Variants in TASP1 observed in about 807,000 individuals in gnomAD.
TASP1 encodes the protein threonine aspartase 1.
In TASP1, 16 loss-of-function variants were observed where a neutral mutation model predicts 56.6. That is an observed-to-expected ratio of 0.28 (90% confidence interval 0.19 to 0.43). The LOEUF is 0.43. Ranked by LOEUF, TASP1 falls within the 20% of genes least tolerant of loss-of-function variation. TASP1 has a pLI of 1.00. For missense variants in TASP1, 393 were observed against 511.6 expected (o/e 0.77, Z 2.24); for synonymous variants, 179 against 184.2 (o/e 0.97, Z 0.23).
At chr20:13,471,945 T>C (rs6109902) in intron 11 of TASP1, among the ~76,000 whole-genome samples, 13,837 of 152,022 alleles carry the variant, frequency 0.091, 1,200 homozygotes, top group African/African-American at 0.23. Flanking sequence ...AGATGCCATC[T>C]CCATCAAGCT....
At chr20:13,401,668 T>C (rs1454049324) in intron 13 of TASP1, among the ~76,000 whole-genome samples, 1 of 152,154 alleles carries the variant, frequency 6.6e-6, no homozygotes, top group African/African-American at 2.4e-5. Context: ...GTCTTGAGAC[T>C]GAAAAAACAA....
intron 6 of TASP1, among the ~76,000 whole-genome samples, chr20:13,576,391 AAGAAAGTC>A (rs1339213633): frequency 6.8e-6 from 1 of 147,426 alleles, no homozygotes; most frequent in East Asian, 1.9e-4. Flanking sequence ...GAAAGAAAGA[AAGAAAGTC>A]AGTCTTATGG....
chr20:13,223,581 C>G, the TASP1 span, among the ~76,000 whole-genome samples: 11 of 152,178 alleles, frequency 7.2e-5, no homozygotes, highest in African/African-American at 2.7e-4. Context: ...AATTACAAAA[C>G]AGTAGAAAAG....
At chr20:13,212,873 A>G in the TASP1 span, among the ~76,000 whole-genome samples, 1 of 152,192 alleles carries the variant, frequency 6.6e-6, no homozygotes, top group Admixed American at 6.6e-5. Context: ...GAGAATCTTC[A>G]GATTTCAGTT....
the TASP1 span, among the ~76,000 whole-genome samples, chr20:13,380,998 T>C: frequency 9.8e-5 from 15 of 152,320 alleles, no homozygotes; most frequent in African/African-American, 3.4e-4. Context: ...ACCAGTGGTC[T>C]TAGCTTGCTG....
the TASP1 span, among the ~76,000 whole-genome samples, chr20:13,185,672 A>G: frequency 6.6e-6 from 1 of 152,204 alleles, no homozygotes; most frequent in East Asian, 1.9e-4. Context: ...ATTTCAGTAC[A>G]GAATCCCACT....
Position 13,435,508 on chromosome 20 carries a change from A to C in TASP1, c.986-354T>G, listed in dbSNP as rs143959746. ...TTTGATCAACTCTTAGGGATCACTT[A>C]CCACAGGCTCTCCCTGCTGTCAGGG... is the stretch of plus-strand genomic sequence containing the variant. On this transcript the variant is annotated intron_variant, in intron 11 of 13. Coordinates refer to ENST00000337743, the MANE Select transcript of TASP1 (RefSeq NM_017714.3). 8.0e-3 allele frequency among the ~76,000 whole-genome samples: 1,217 copies of C among 152,340 alleles called. 6 individuals are homozygous for C. The highest frequency in any genetic ancestry group is 0.013 in the Non-Finnish European group (870 of 68,010).
chr20:13,471,823 G>A (rs1242269003), intron 11 of TASP1, among the ~76,000 whole-genome samples: 1 of 152,142 alleles, frequency 6.6e-6, no homozygotes, highest in East Asian at 1.9e-4. Flanking sequence ...GGACTACTCA[G>A]AAAGTGGGTG....
chr20:13,550,694 C>T (rs1211860929), intron 8 of TASP1, among the ~76,000 whole-genome samples: 1 of 152,106 alleles, frequency 6.6e-6, no homozygotes, highest in Non-Finnish European at 1.5e-5. Context: ...AGACTAATTA[C>T]TCCTTTTCCT....
chr20:13,531,866 G>A (rs2045234266), intron 9 of TASP1, among the ~76,000 whole-genome samples: 1 of 152,144 alleles, frequency 6.6e-6, no homozygotes. Context: ...GTGTCACCAT[G>A]TTGGCCAAGC....
intron 11 of TASP1, among the ~76,000 whole-genome samples, chr20:13,444,284 T>C (rs1176258658): frequency 1.3e-5 from 2 of 152,196 alleles, no homozygotes; most frequent in Non-Finnish European, 2.9e-5. Flanking sequence ...AGCTAGAAGG[T>C]AGCTGCTAGT....
chr20:13,211,586 A>G, the TASP1 span, among the ~76,000 whole-genome samples: 1 of 152,142 alleles, frequency 6.6e-6, no homozygotes, highest in South Asian at 2.1e-4. Flanking sequence ...TGTTACCGTT[A>G]TCCCTACTCT....
chr20:13,381,149 G>A, the TASP1 span, among the ~76,000 whole-genome samples: 10 of 152,286 alleles, frequency 6.6e-5, no homozygotes, highest in Middle Eastern at 3.4e-3. Flanking sequence ...CAGCTAGCTC[G>A]GTGTCTGCCC....
At chr20:13,337,237 A>G in the TASP1 span, among the ~76,000 whole-genome samples, 7 of 152,310 alleles carry the variant, frequency 4.6e-5, no homozygotes, top group East Asian at 1.4e-3. Context: ...TTTTGACCAG[A>G]GGCAACAAGG....
At chr20:13,424,332 T>C (rs750932288) in intron 12 of TASP1, among the ~76,000 whole-genome samples, 1 of 152,146 alleles carries the variant, frequency 6.6e-6, no homozygotes, top group Non-Finnish European at 1.5e-5. Flanking sequence ...AGTAAAAGAG[T>C]AGCATTTACC....
chr20:13,158,077 T>C, the TASP1 span, among the ~76,000 whole-genome samples: 1 of 152,242 alleles, frequency 6.6e-6, no homozygotes. Flanking sequence ...CAAGAATATA[T>C]TGTATTTGGT....
the TASP1 span, among the ~76,000 whole-genome samples, chr20:13,359,021 CT>C: frequency 2.0e-5 from 3 of 150,660 alleles, no homozygotes; most frequent in Non-Finnish European, 4.4e-5. Flanking sequence ...CTCCTTCACC[CT>C]TAGCGGCAAG....
At chr20:13,201,745 G>A in the TASP1 span, among the ~76,000 whole-genome samples, 1 of 151,536 alleles carries the variant, frequency 6.6e-6, no homozygotes, top group Middle Eastern at 3.2e-3. Context: ...TGGGCTCTGA[G>A]ATGGTAAACT....
intron 6 of TASP1, among the ~76,000 whole-genome samples, chr20:13,577,127 G>A (rs545463815): frequency 5.3e-5 from 8 of 152,220 alleles, no homozygotes; most frequent in East Asian, 3.9e-4. Context: ...TGGGGGTCAC[G>A]GTGAGCATGG....
Sources: gnomAD v4.1 joint callset for allele counts (sites outside exome capture counted in the v4.1 genomes callset) on GRCh38, gnomAD v4.1.1 for gene constraint, MANE v1.5 for transcripts, NCBI Gene and HGNC (gene_info 2026-07-23, HGNC 2026-07-21) for gene names.